The following PLXDC2 variants were observed in gnomAD, a reference collection of about 807,000 sequenced individuals.
PLXDC2 encodes plexin domain-containing protein 2.
In PLXDC2, 40 loss-of-function variants were observed where a neutral mutation model predicts 68.9. That is an observed-to-expected ratio of 0.58 (90% confidence interval 0.45 to 0.76). The LOEUF (loss-of-function observed/expected upper bound fraction) is 0.76, where lower values mean the gene tolerates loss of function less well. Among genes scored for constraint, PLXDC2 ranks in the 30% least tolerant of loss-of-function variants. The pLI is 0.00. For missense variants in PLXDC2, 644 were observed against 661.9 expected (o/e 0.97, Z 0.30); for synonymous variants, 243 against 234.2 (o/e 1.04, Z -0.34).
intron 4 of PLXDC2, among the ~76,000 whole-genome samples, chr10:20,142,713 C>T (rs548945529): frequency 4.4e-4 from 67 of 151,834 alleles, no homozygotes; most frequent in African/African-American, 1.6e-3. Context: ...ACTTTATCTT[C>T]TTGACAGTGT....
intron 12 of PLXDC2, among the ~76,000 whole-genome samples, chr10:20,240,194 T>A (rs1159584970): frequency 6.6e-6 from 1 of 152,156 alleles, no homozygotes; most frequent in African/African-American, 2.4e-5. Context: ...GGCTTTCTGG[T>A]CCTGTGTTAG....
At chr10:19,969,116 A>C (rs528464628) in intron 1 of PLXDC2, among the ~76,000 whole-genome samples, 1 of 152,300 alleles carries the variant, frequency 6.6e-6, no homozygotes, top group South Asian at 2.1e-4. Context: ...TTTTTAGCCT[A>C]AGTTACAATA....
intron 1 of PLXDC2, among the ~76,000 whole-genome samples, chr10:19,973,635 A>C (rs1158939418): frequency 1.3e-5 from 2 of 152,192 alleles, no homozygotes; most frequent in Non-Finnish European, 2.9e-5. Context: ...GAGAAACAGC[A>C]GTTTTGCCAG....
At chr10:19,818,358 G>C (rs1007284950) in intron 1 of PLXDC2, among the ~76,000 whole-genome samples, 4 of 151,560 alleles carry the variant, frequency 2.6e-5, no homozygotes, top group African/African-American at 9.7e-5. Flanking sequence ...GGACACCTGG[G>C]GATTCCAGGC....
intron 9 of PLXDC2, among the ~76,000 whole-genome samples, chr10:20,179,919 A>G (rs1036556961): frequency 6.6e-6 from 1 of 152,088 alleles, no homozygotes; most frequent in African/African-American, 2.4e-5. Flanking sequence ...TGTGACACCC[A>G]GCTTTTGGTC....
chr10:20,000,022 C>T (rs71482206), intron 1 of PLXDC2, among the ~76,000 whole-genome samples: 11 of 152,152 alleles, frequency 7.2e-5, no homozygotes, highest in Non-Finnish European at 1.2e-4. Flanking sequence ...GTAGTTTTTT[C>T]ATTACTTAAT....
chr10:20,237,937 T>G (rs1835455915), intron 12 of PLXDC2, among the ~76,000 whole-genome samples: 1 of 152,146 alleles, frequency 6.6e-6, no homozygotes, highest in African/African-American at 2.4e-5. Flanking sequence ...AGTTTTTTCT[T>G]TATTTCTGGA....
At chr10:20,020,733 A>T (rs190170542) in intron 2 of PLXDC2, among the ~76,000 whole-genome samples, 78 of 152,298 alleles carry the variant, frequency 5.1e-4, no homozygotes, top group African/African-American at 1.8e-3. Flanking sequence ...CAACAGAACT[A>T]CTCACAGTTG....
intron 13 of PLXDC2, among the ~76,000 whole-genome samples, chr10:20,273,290 T>G (rs12246702): frequency 0.027 from 4,043 of 152,304 alleles, 160 homozygotes; most frequent in African/African-American, 0.09. Flanking sequence ...CTGGCATGAT[T>G]GTATATCGAC....
At chr10:19,992,236 G>C (rs1834762120) in intron 1 of PLXDC2, among the ~76,000 whole-genome samples, 1 of 152,110 alleles carries the variant, frequency 6.6e-6, no homozygotes, top group African/African-American at 2.4e-5. Flanking sequence ...GACTTTTCTA[G>C]GTGGGAAGAA....
chr10:19,856,692 C>T (rs944568820), intron 1 of PLXDC2, among the ~76,000 whole-genome samples: 6 of 152,144 alleles, frequency 3.9e-5, no homozygotes, highest in Non-Finnish European at 8.8e-5. Context: ...TCTGCTTTCT[C>T]CATACCGAAA....
chr10:20,056,911 G>T (rs1836008477), intron 3 of PLXDC2, among the ~76,000 whole-genome samples: 1 of 152,006 alleles, frequency 6.6e-6, no homozygotes. Flanking sequence ...AAACATTTTA[G>T]GTTTCTGATA....
chr10:19,927,921 A>G (rs1358696409), intron 1 of PLXDC2, among the ~76,000 whole-genome samples: 2 of 151,994 alleles, frequency 1.3e-5, no homozygotes, highest in African/African-American at 2.4e-5. Context: ...ATTGTACCCA[A>G]TAGGTAGTTT....
chr10:20,254,141 T>A (rs1835713615), intron 13 of PLXDC2, among the ~76,000 whole-genome samples: 1 of 152,182 alleles, frequency 6.6e-6, no homozygotes, highest in South Asian at 2.1e-4. Flanking sequence ...TTTAAGCTTT[T>A]TTGCCACTCA....
chr10:20,025,418 A>G (rs778117039), intron 2 of PLXDC2, among the ~76,000 whole-genome samples: 3 of 151,990 alleles, frequency 2.0e-5, no homozygotes, highest in African/African-American at 7.2e-5. Context: ...ATGCACCACC[A>G]TGCCTGGCTA....
chr10:20,252,300 T>C (rs543317508), intron 13 of PLXDC2, among the ~76,000 whole-genome samples: 1 of 152,324 alleles, frequency 6.6e-6, no homozygotes, highest in South Asian at 2.1e-4. Context: ...GATTTTGAAA[T>C]CTGAGTACAA....
intron 3 of PLXDC2, among the ~76,000 whole-genome samples, chr10:20,056,586 G>A (rs1836003853): frequency 6.6e-6 from 1 of 152,118 alleles, no homozygotes; most frequent in African/African-American, 2.4e-5. Flanking sequence ...TTTAGACATG[G>A]AAAGGACTTT....
intron 1 of PLXDC2, among the ~76,000 whole-genome samples, chr10:19,876,648 C>G (rs1036606595): frequency 5.4e-4 from 62 of 115,092 alleles, no homozygotes; most frequent in African/African-American, 2.1e-3. Flanking sequence ...GAGAGAGAAA[C>G]AAAGTATCAC....
At chr10:19,836,020 T>A (rs566609068) in intron 1 of PLXDC2, among the ~76,000 whole-genome samples, 1 of 150,916 alleles carries the variant, frequency 6.6e-6, no homozygotes, top group Non-Finnish European at 1.5e-5. Flanking sequence ...AAAATAAAAA[T>A]AAAAAAATTA....
Sources: gnomAD v4.1 joint callset for allele counts (sites outside exome capture counted in the v4.1 genomes callset) on GRCh38, gnomAD v4.1.1 for gene constraint, MANE v1.5 for transcripts, NCBI Gene and HGNC (gene_info 2026-07-23, HGNC 2026-07-21) for gene names.